Variants in SEMA3A observed in about 807,000 individuals in gnomAD.
SEMA3A encodes the protein semaphorin-3A.
A neutral mutation model predicts 97.9 loss-of-function variants in SEMA3A; 29 were observed. That is an observed-to-expected ratio of 0.30 (90% CI 0.22 to 0.40). The LOEUF (loss-of-function observed/expected upper bound fraction) is 0.40, where lower values mean the gene tolerates loss of function less well. Ranked by LOEUF, SEMA3A falls within the 10% of genes least tolerant of loss-of-function variation. The pLI is 1.00. For missense variants in SEMA3A, 763 were observed against 951.3 expected, an observed-to-expected ratio of 0.80 and a Z score of 2.60; for synonymous variants, 321 against 323.7, an observed-to-expected ratio of 0.99 and a Z score of 0.09.
At chr7:84,194,948 T>A (rs2116279832), upstream of SEMA3A, 1 of 167,804 alleles carries the variant, frequency 6.0e-6, no homozygotes, top group East Asian at 1.6e-4. Flanking sequence ...CCGGTGGCAG[T>A]CTCTAATCCT....
chr7:84,052,963 G>C (rs1255274374), intron 5 of SEMA3A, among the ~76,000 whole-genome samples: 3 of 150,764 alleles, frequency 2.0e-5, no homozygotes, highest in Non-Finnish European at 4.4e-5. Flanking sequence ...CCTTCATTTC[G>C]TTATGTACCC....
chr7:84,381,472 TG>T (rs1803258093), intron 1 of SEMA3A, among the ~76,000 whole-genome samples: 1 of 152,218 alleles, frequency 6.6e-6, no homozygotes, highest in Non-Finnish European at 1.5e-5. Flanking sequence ...TGAGGACTAA[TG>T]TCTTCTGCAA....
chr7:84,419,157 T>C (rs1045514059), intron 1 of SEMA3A, among the ~76,000 whole-genome samples: 13 of 152,070 alleles, frequency 8.5e-5, no homozygotes, highest in Non-Finnish European at 1.5e-4. Context: ...CAATTCTAAA[T>C]AACCAGTGTG....
chr7:84,449,891 A>G (rs1805514342), intron 1 of SEMA3A, among the ~76,000 whole-genome samples: 1 of 152,110 alleles, frequency 6.6e-6, no homozygotes, highest in African/African-American at 2.4e-5. Flanking sequence ...AAGTCCATCC[A>G]CGTTGTTGAA....
chr7:84,359,676 T>C (rs977286137), intron 2 of SEMA3A, among the ~76,000 whole-genome samples: 1 of 152,186 alleles, frequency 6.6e-6, no homozygotes, highest in African/African-American at 2.4e-5. Flanking sequence ...GAGGATTCCC[T>C]CTTTTTCTAT....
At chr7:83,977,011 C>T (rs1789174609) in intron 15 of SEMA3A, 121 bp downstream of exon 15, 1 of 474,212 alleles carries the variant, frequency 2.1e-6, no homozygotes, top group Admixed American at 3.8e-5. Flanking sequence ...TTTTACTTCT[C>T]TTCGGCTGCA....
chr7:84,315,396 A>C (rs2115885518), intron 2 of SEMA3A, among the ~76,000 whole-genome samples: 1 of 152,284 alleles, frequency 6.6e-6, no homozygotes, highest in Admixed American at 6.5e-5. Context: ...TCGACACAAT[A>C]ACAATACGCA....
intron 1 of SEMA3A, among the ~76,000 whole-genome samples, chr7:84,419,750 C>T (rs765634037): frequency 5.3e-5 from 8 of 152,038 alleles, no homozygotes; most frequent in Non-Finnish European, 1.0e-4. Context: ...CTGAGAAGTG[C>T]AATAACTAAA....
intron 2 of SEMA3A, among the ~76,000 whole-genome samples, chr7:84,363,839 G>C (rs1210144684): frequency 2.6e-5 from 4 of 151,706 alleles, no homozygotes; most frequent in Non-Finnish European, 1.5e-5. Flanking sequence ...GCTCTGCAAG[G>C]TCAACATTAC....
intron 3 of SEMA3A, among the ~76,000 whole-genome samples, chr7:84,212,018 C>T (rs1000761217): frequency 2.6e-5 from 4 of 152,260 alleles, no homozygotes; most frequent in Non-Finnish European, 5.9e-5. Flanking sequence ...ACTGTTACAA[C>T]AGTCAGCCAA....
At chr7:84,492,063 T>C (rs1806747921) in intron 1 of SEMA3A, among the ~76,000 whole-genome samples, 1 of 152,120 alleles carries the variant, frequency 6.6e-6, no homozygotes, top group South Asian at 2.1e-4. Flanking sequence ...TGCATAAAAG[T>C]GAAATCCATT....
intron 14 of SEMA3A, 121 bp downstream of exon 14, chr7:83,981,200 C>T: frequency 9.4e-7 from 1 of 1,069,422 alleles, no homozygotes; most frequent in Non-Finnish European, 1.4e-6. Flanking sequence ...CCTCCATCTG[C>T]TCCCAAATCT....
At chr7:84,068,769 A>G (rs558971684) in intron 4 of SEMA3A, among the ~76,000 whole-genome samples, 4 of 152,248 alleles carry the variant, frequency 2.6e-5, no homozygotes, top group African/African-American at 9.6e-5. Flanking sequence ...TTCATGCAGT[A>G]TTTGATTTAC....
chr7:84,445,497 A>AAAAAAAAAAAAG (rs1165241870), intron 1 of SEMA3A, among the ~76,000 whole-genome samples: 6 of 123,162 alleles, frequency 4.9e-5, no homozygotes, highest in Non-Finnish European at 7.8e-5. Flanking sequence ...CCATCTCAAA[A>AAAAAAAAAAAAG]AAAAAAAAAA....
chr7:84,425,122 ATTAT>A (rs1257022139), intron 1 of SEMA3A, among the ~76,000 whole-genome samples: 2 of 109,594 alleles, frequency 1.8e-5, no homozygotes, highest in Non-Finnish European at 3.3e-5. Context: ...ATTTATATAA[ATTAT>A]TTATATATAA....
intron 3 of SEMA3A, among the ~76,000 whole-genome samples, chr7:84,112,770 T>C (rs1310126477): frequency 6.6e-6 from 1 of 152,190 alleles, no homozygotes; most frequent in Non-Finnish European, 1.5e-5. Flanking sequence ...CCACTGAATA[T>C]CATAATTTTA....
chr7:84,352,197 T>C (rs1283715936), intron 2 of SEMA3A, among the ~76,000 whole-genome samples: 1 of 151,766 alleles, frequency 6.6e-6, no homozygotes, highest in East Asian at 1.9e-4. Context: ...AGATAAAGAG[T>C]TAAAGAGTTG....
chr7:83,981,209 C>G (rs1245402043), intron 14 of SEMA3A, 112 bp downstream of exon 14: 2 of 1,197,492 alleles, frequency 1.7e-6, no homozygotes, highest in East Asian at 5.1e-5. Flanking sequence ...GCTCCCAAAT[C>G]TTTTTATTCA....
At chr7:84,351,336 C>T (rs574529993) in intron 2 of SEMA3A, among the ~76,000 whole-genome samples, 2 of 152,090 alleles carry the variant, frequency 1.3e-5, no homozygotes, top group Non-Finnish European at 2.9e-5. Context: ...CTTTGAAAAA[C>T]ATTGACAACA....
Sources: allele counts gnomAD v4.1 joint callset (sites outside exome capture counted in the v4.1 genomes callset), GRCh38; gene constraint gnomAD v4.1.1; transcripts MANE v1.5; gene names NCBI Gene and HGNC (gene_info 2026-07-23, HGNC 2026-07-21).